ZNF410: variants seen among roughly 807,000 people sequenced by gnomAD.
The protein encoded by ZNF410 is another partner for ARF 1.
ZNF410 carries 18 observed loss-of-function variants against 54.8 expected under a neutral mutation model. The observed-to-expected ratio is 0.33, with a 90% CI of 0.23 to 0.49. The LOEUF is 0.49. Ranked by LOEUF, ZNF410 falls within the 20% of genes least tolerant of loss-of-function variation. The pLI is 0.99. For missense variants in ZNF410, 405 were observed against 569.6 expected, an observed-to-expected ratio of 0.71 and a Z score of 2.94; for synonymous variants, 191 against 207.3, an observed-to-expected ratio of 0.92 and a Z score of 0.68.
rs375039083 is a variant in ZNF410, at chr14:73,905,968, C to CATATATATATATATATATATAT, written c.913+891_913+912dup. The stretch of plus-strand genomic sequence containing the variant: ...ATACACACACACACACACACACACA[C>CATATATATATATATATATATAT]ATATATATATATATATATATATATA... On this transcript the variant is annotated intron_variant, in intron 7 of 11. Transcript: ENST00000555044. 2.8e-4 allele frequency among the ~76,000 whole-genome samples: 22 copies of CATATATATATATATATATATAT among 78,926 alleles called. 2 individuals are homozygous for CATATATATATATATATATATAT. Among genetic ancestry groups the CATATATATATATATATATATAT allele is most frequent in the African/African-American group, 8.8e-4 (21 of 23,804 alleles). The allele number at this position is 78,926 out of a possible 152,430, so 51.8% of individuals were successfully genotyped here.
intron 4 of ZNF410, among the ~76,000 whole-genome samples, chr14:73,896,870 G>A (rs930426035): frequency 6.6e-6 from 1 of 152,138 alleles, no homozygotes; most frequent in Non-Finnish European, 1.5e-5. Flanking sequence ...TTAGAAACAT[G>A]AATCCAGAGT....
intron 5 of ZNF410, 62 bp downstream of exon 5, chr14:73,898,324 G>T: frequency 1.3e-6 from 2 of 1,548,308 alleles, no homozygotes; most frequent in East Asian, 2.3e-5. Context: ...GTAATGCAGT[G>T]GCTGGTTTGA....
chr14:73,890,018 A>G (rs182012330), intron 1 of ZNF410, among the ~76,000 whole-genome samples: 112 of 152,108 alleles, frequency 7.4e-4, no homozygotes, highest in African/African-American at 2.4e-3. Flanking sequence ...GATGGTCTCA[A>G]TCTCCTGACC....
intron 1 of ZNF410, among the ~76,000 whole-genome samples, chr14:73,890,161 C>T (rs1292408927): frequency 6.7e-6 from 1 of 150,106 alleles, no homozygotes; most frequent in Non-Finnish European, 1.5e-5. Context: ...GAGGGAGAAA[C>T]CAACAGGACA....
At chr14:73,895,100 T>G (rs1312497254) in intron 3 of ZNF410, 1 of 152,258 alleles carries the variant, frequency 6.6e-6, no homozygotes, top group Non-Finnish European at 1.5e-5. Flanking sequence ...CAGTAAGCTG[T>G]GATCACACCA....
At chr14:73,925,488 T>G (rs1199981233) in intron 11 of ZNF410, among the ~76,000 whole-genome samples, 1 of 151,514 alleles carries the variant, frequency 6.6e-6, no homozygotes, top group Non-Finnish European at 1.5e-5. Context: ...AGTGCAGTGG[T>G]GCGATCTCAG....
At chr14:73,887,763 G>T (rs2055166578) in intron 1 of ZNF410, among the ~76,000 whole-genome samples, 1 of 152,212 alleles carries the variant, frequency 6.6e-6, no homozygotes, top group African/African-American at 2.4e-5. Flanking sequence ...GACAACTAAA[G>T]TAGCAGTCAG....
intron 11 of ZNF410, among the ~76,000 whole-genome samples, chr14:73,929,444 A>G (rs1225285862): frequency 6.6e-6 from 1 of 152,174 alleles, no homozygotes; most frequent in Admixed American, 6.6e-5. Flanking sequence ...TTTGGAGATC[A>G]CCAAGCAGTA....
At chr14:73,926,772 T>A (rs1256042892) in intron 11 of ZNF410, among the ~76,000 whole-genome samples, 1 of 152,146 alleles carries the variant, frequency 6.6e-6, no homozygotes, top group East Asian at 1.9e-4. Flanking sequence ...TTTTCCCACA[T>A]TCTGGTTTTG....
chr14:73,892,041 C>A lies in ZNF410; in HGVS notation c.-135C>A, dbSNP rs11540490. The A allele has an allele frequency of 1.0e-6, 1 of 990,998 alleles. No homozygotes were observed. Among genetic ancestry groups the A allele is most frequent in the Non-Finnish European group, 1.6e-6 (1 of 616,018 alleles). 61.4% of individuals were successfully genotyped at this position (990,998 alleles called of 1,614,324 possible). A position where few individuals can be genotyped will look rare whatever the true frequency, so the allele number is the denominator to read the frequency against. On this transcript the variant is annotated 5_prime_UTR_variant, in exon 2 of 12. Coordinates refer to ENST00000555044, the MANE Select transcript of ZNF410 (RefSeq NM_021188.3). ...CCCTATTCTAGGTTACATTGATTAC[C>A]CACCTAGTACAACATCTTACGGGAA...
intron 2 of ZNF410, among the ~76,000 whole-genome samples, chr14:73,892,807 G>T (rs2055252719): frequency 6.6e-6 from 1 of 152,156 alleles, no homozygotes; most frequent in Non-Finnish European, 1.5e-5. Flanking sequence ...AAGTTTGGGT[G>T]CGGTGGCTCA....
At chr14:73,911,830 A>G (rs2055584022) in intron 8 of ZNF410, among the ~76,000 whole-genome samples, 1 of 151,240 alleles carries the variant, frequency 6.6e-6, no homozygotes, top group Non-Finnish European at 1.5e-5. Context: ...AGATCTTTCT[A>G]CATTGAGTTG....
chr14:73,920,784 G>A, intron 8 of ZNF410, 196 bp from the exon 9 acceptor site: 1 of 585,606 alleles, frequency 1.7e-6, no homozygotes, highest in Non-Finnish European at 3.0e-6. Context: ...AGCAGGGAGT[G>A]TGCTAAAGCC....
At chr14:73,922,946 T>C (rs985628559) in intron 10 of ZNF410, 4 of 152,700 alleles carry the variant, frequency 2.6e-5, no homozygotes. Flanking sequence ...AAGTGGTATA[T>C]CCATAAACTA....
chr14:73,895,398 A>G (rs1035235729), intron 3 of ZNF410: 1 of 152,206 alleles, frequency 6.6e-6, no homozygotes, highest in South Asian at 2.1e-4. Context: ...TATATGACCC[A>G]GCAATCTCAC....
intron 7 of ZNF410, among the ~76,000 whole-genome samples, chr14:73,906,148 G>A (rs974787850): frequency 1.6e-4 from 24 of 151,508 alleles, no homozygotes; most frequent in Middle Eastern, 3.4e-3. Context: ...ACAGGCACCC[G>A]CCACCAGGCC....
chr14:73,923,561 A>G (rs754615140), intron 11 of ZNF410, 39 bp downstream of exon 11: 32 of 1,587,044 alleles, frequency 2.0e-5, no homozygotes, highest in Non-Finnish European at 2.7e-5. Context: ...GTGACAATTC[A>G]TGTGGGGAAT....
intron 7 of ZNF410, 52 bp from the exon 8 acceptor site, chr14:73,909,289 A>T: frequency 6.9e-7 from 1 of 1,455,028 alleles, no homozygotes; most frequent in Non-Finnish European, 9.6e-7. Flanking sequence ...AGAGAGTAAC[A>T]GGTAATCAGT....
Position 73,931,182 on chromosome 14 carries a change from A to G in ZNF410, c.1399-321A>G, listed in dbSNP as rs532631090. On this transcript the variant is annotated intron_variant, in intron 11 of 11. Coordinates refer to ENST00000555044, the MANE Select transcript of ZNF410 (RefSeq NM_021188.3). ...ACACGTATAAGATTTTGGTTCCACC[A>G]TTTCTGTTTTCCCTGTAAGTTAGAG... Among the ~76,000 whole-genome samples, 4 of 152,222 alleles carry G rather than the reference A, an allele frequency of 2.6e-5. No homozygotes were observed. The South Asian group carries it at 8.3e-4, about 32-fold the overall frequency.
Sources: allele counts gnomAD v4.1 joint callset (sites outside exome capture counted in the v4.1 genomes callset), GRCh38; gene constraint gnomAD v4.1.1; transcripts MANE v1.5; gene names NCBI Gene and HGNC (gene_info 2026-07-23, HGNC 2026-07-21).